BCL2: variants seen among roughly 807,000 people sequenced by gnomAD.
BCL2 encodes BCL2 apoptosis regulator.
In BCL2, 1 loss-of-function variant was observed where a neutral mutation model predicts 14.2. The observed-to-expected ratio is 0.07, with a 90% CI of 0.02 to 0.33. The LOEUF (loss-of-function observed/expected upper bound fraction) is 0.33. Among genes scored for constraint, BCL2 ranks in the 10% least tolerant of loss-of-function variants. The probability of loss-of-function intolerance (pLI) is 0.99; values close to 1 mark genes in which losing one functional copy is unlikely to be tolerated. For missense variants in BCL2, 247 were observed against 305.9 expected, an observed-to-expected ratio of 0.81 and a Z score of 1.44; for synonymous variants, 151 against 137.2, an observed-to-expected ratio of 1.10 and a Z score of -0.70.
intron 2 of BCL2, among the ~76,000 whole-genome samples, chr18:63,197,666 G>A (rs1909485310): frequency 1.3e-5 from 2 of 152,080 alleles, no homozygotes; most frequent in Non-Finnish European, 2.9e-5. Flanking sequence ...AGGGAAAAAG[G>A]GAGAGAAAGG....
chr18:63,296,310 T>C lies in BCL2; in HGVS notation c.585+21772A>G, dbSNP rs144258004. Among the ~76,000 whole-genome samples, 16 of 152,266 alleles carry C rather than the reference T, an allele frequency of 1.1e-4. No homozygotes were observed. In the East Asian group the frequency reaches 2.5e-3, roughly 24 times the overall value. On this transcript the variant is annotated intron_variant, in intron 2 of 2. Coordinates refer to ENST00000333681, the MANE Select transcript of BCL2 (RefSeq NM_000633.3). ...AGAGTTAGAAACTACTGAAGTCCTT[T>C]TTTTTGAGACAAGGTCTCACTCTGT...
chr18:63,145,319 T>A (rs1184946372), intron 2 of BCL2, among the ~76,000 whole-genome samples: 1 of 152,120 alleles, frequency 6.6e-6, no homozygotes, highest in East Asian at 1.9e-4. Flanking sequence ...GGACAGAGCA[T>A]AAGCCCTCAA....
chr18:63,202,227 T>G (rs1174673679), intron 2 of BCL2, among the ~76,000 whole-genome samples: 1 of 152,112 alleles, frequency 6.6e-6, no homozygotes, highest in Non-Finnish European at 1.5e-5. Flanking sequence ...GAGAATCACT[T>G]GAACTCAGGA....
At chr18:63,182,607 T>C (rs929109087) in intron 2 of BCL2, among the ~76,000 whole-genome samples, 1 of 152,140 alleles carries the variant, frequency 6.6e-6, no homozygotes, top group African/African-American at 2.4e-5. Flanking sequence ...CCACCCTGCA[T>C]ATTAAACAGC....
intron 2 of BCL2, among the ~76,000 whole-genome samples, chr18:63,254,636 T>C (rs1393936363): frequency 6.6e-6 from 1 of 152,182 alleles, no homozygotes; most frequent in Non-Finnish European, 1.5e-5. Context: ...CAGTTTTTTA[T>C]AGCCCAACGT....
At chr18:63,225,752 G>C (rs183958506) in intron 2 of BCL2, among the ~76,000 whole-genome samples, 66 of 152,344 alleles carry the variant, frequency 4.3e-4, no homozygotes, top group African/African-American at 1.6e-3. Flanking sequence ...AGATGCAGGA[G>C]CCAGGTGAGT....
intron 2 of BCL2, among the ~76,000 whole-genome samples, chr18:63,200,834 G>C (rs892284780): frequency 7.2e-5 from 11 of 151,982 alleles, no homozygotes; most frequent in African/African-American, 2.7e-4. Context: ...GGTTGCCTAG[G>C]CTGGTCTTGA....
At position 63,187,133 on chromosome 18, in the gene BCL2, T is replaced by C. The variant is rs531868279; in HGVS notation, c.586-58374A>G. ...CCCTACAGTTTTCATCTTGCCCTGG[T>C]GTGTCATCTGTCAGTGTGACTTTAG... On this transcript the variant is annotated intron_variant, in intron 2 of 2. Transcript: ENST00000333681. Among the ~76,000 whole-genome samples, 6 of 152,342 alleles carry C rather than the reference T, an allele frequency of 3.9e-5. No homozygotes were observed. The South Asian group carries it at 1.2e-3, about 32-fold the overall frequency.
chr18:63,186,276 A>G (rs1006762388), intron 2 of BCL2, among the ~76,000 whole-genome samples: 3 of 151,288 alleles, frequency 2.0e-5, no homozygotes, highest in African/African-American at 7.3e-5. Flanking sequence ...ACTTACATGG[A>G]TTTATTGTCT....
intron 2 of BCL2, among the ~76,000 whole-genome samples, chr18:63,203,073 G>A (rs1296128143): frequency 1.3e-5 from 2 of 152,212 alleles, no homozygotes; most frequent in Non-Finnish European, 2.9e-5. Flanking sequence ...GAGCAGAACA[G>A]CTTTGCTAAT....
At chr18:63,283,411 C>T (rs183351063) in intron 2 of BCL2, among the ~76,000 whole-genome samples, 1 of 152,318 alleles carries the variant, frequency 6.6e-6, no homozygotes, top group Admixed American at 6.5e-5. Context: ...TTAACCTTCT[C>T]CAGCCTGGGA....
intron 2 of BCL2, among the ~76,000 whole-genome samples, chr18:63,135,248 C>G (rs1475832081): frequency 6.6e-6 from 1 of 152,182 alleles, no homozygotes; most frequent in Non-Finnish European, 1.5e-5. Context: ...AACCTCCTCC[C>G]TGCCTCCCTC....
intron 2 of BCL2, among the ~76,000 whole-genome samples, chr18:63,167,605 C>G (rs1477556152): frequency 6.6e-6 from 1 of 151,746 alleles, no homozygotes; most frequent in Non-Finnish European, 1.5e-5. Flanking sequence ...CATAGCAAGA[C>G]CTCCATCTCT....
chr18:63,314,914 A>C (rs913128054), intron 2 of BCL2: 1 of 152,196 alleles, frequency 6.6e-6, no homozygotes, highest in Non-Finnish European at 1.5e-5. Flanking sequence ...CCTGCTTGCT[A>C]TCTCTCCTTC....
chr18:63,292,222 C>CAAAA (rs749093257), intron 2 of BCL2, among the ~76,000 whole-genome samples: 4 of 56,430 alleles, frequency 7.1e-5, no homozygotes, highest in African/African-American at 2.3e-4. Flanking sequence ...AACCCCAGTG[C>CAAAA]AAAAAAAAAA....
chr18:63,195,426 C>T (rs758485538), intron 2 of BCL2, among the ~76,000 whole-genome samples: 5 of 152,180 alleles, frequency 3.3e-5, no homozygotes, highest in Non-Finnish European at 1.5e-5. Flanking sequence ...AAAAGTCACT[C>T]CTTCACCTTC....
At chr18:63,274,900 C>G (rs572611438) in intron 2 of BCL2, among the ~76,000 whole-genome samples, 1 of 152,154 alleles carries the variant, frequency 6.6e-6, no homozygotes, top group Non-Finnish European at 1.5e-5. Context: ...GCTATGCACA[C>G]GCTGTAGAGT....
rs117976530 is a variant in BCL2 at position 63,208,579 on chromosome 18, G to C, written c.586-79820C>G. ...AAGAGGGTAAGTGTTTCGTGTTGGG[G>C]GATGGTGTATCTGGGGGCTGGGGGG... On this transcript the variant is annotated intron_variant, in intron 2 of 2. Coordinates refer to ENST00000333681, the MANE Select transcript of BCL2 (RefSeq NM_000633.3). 2.3e-3 allele frequency among the ~76,000 whole-genome samples: 352 copies of C among 152,270 alleles called. 4 individuals carry two copies. The highest frequency in any genetic ancestry group is 0.023 in the East Asian group (119 of 5,182).
intron 2 of BCL2, among the ~76,000 whole-genome samples, chr18:63,246,905 G>A (rs1204352034): frequency 6.6e-6 from 1 of 152,206 alleles, no homozygotes; most frequent in Non-Finnish European, 1.5e-5. Context: ...CAAACATGCA[G>A]ATCATTATTA....
Sources: gnomAD v4.1 joint callset for allele counts (sites outside exome capture counted in the v4.1 genomes callset) on GRCh38, gnomAD v4.1.1 for gene constraint, MANE v1.5 for transcripts, NCBI Gene and HGNC (gene_info 2026-07-23, HGNC 2026-07-21) for gene names.